TIPRL: variants seen among roughly 807,000 people sequenced by gnomAD.
The protein encoded by TIPRL is TOR signaling pathway regulator.
In TIPRL, 10 loss-of-function variants were observed where a neutral mutation model predicts 32.3. That is an observed-to-expected ratio of 0.31 (90% confidence interval 0.19 to 0.52). The LOEUF (loss-of-function observed/expected upper bound fraction) is 0.52, where lower values mean the gene tolerates loss of function less well. Among genes scored for constraint, TIPRL ranks in the 20% least tolerant of loss-of-function variants. The pLI is 0.96. For synonymous variants in TIPRL, 100 were observed against 114.0 expected, an observed-to-expected ratio of 0.88 and a Z score of 0.78; for missense variants, 250 against 328.1, an observed-to-expected ratio of 0.76 and a Z score of 1.84.
In TIPRL at chr1:168,198,900, T is replaced by C; in HGVS notation, c.613-19T>C. 6.3e-7 allele frequency: 1 copy of C among 1,577,568 alleles called. No individual in the cohort carries two copies. The highest frequency in any genetic ancestry group is 8.7e-7 in the Non-Finnish European group (1 of 1,152,558). On this transcript the variant is annotated intron_variant, in intron 5 of 6. Transcript: ENST00000367833. ...TCAGTATAATTAAATTTATTGCAAC[T>C]GTTTATTTTTAAATACAGGCTGACA...
intron 5 of TIPRL, among the ~76,000 whole-genome samples, chr1:168,198,641 C>T (rs1700181723): frequency 6.6e-6 from 1 of 152,086 alleles, no homozygotes; most frequent in Admixed American, 6.5e-5. Context: ...CATTTATATA[C>T]ATATTCTTTC....
intron 1 of TIPRL, among the ~76,000 whole-genome samples, chr1:168,182,092 C>T (rs60073411): frequency 0.011 from 1,688 of 150,494 alleles, 35 homozygotes; most frequent in African/African-American, 0.039. Flanking sequence ...AAAAAAATGC[C>T]TTTTTTTATA....
chr1:168,200,177 A>C lies in TIPRL; in HGVS notation c.*131A>C. On this transcript the variant is annotated 3_prime_UTR_variant, in exon 7 of 7. Coordinates refer to ENST00000367833, the MANE Select transcript of TIPRL (RefSeq NM_152902.5). ...TTTCTGTAGCCTTAAAGGAAAAAAA[A>C]ATAAAGATCGTTACAGGCAGGTTTC... is the stretch of plus-strand genomic sequence containing the variant. 3 of 1,010,138 alleles carry C rather than the reference A, an allele frequency of 3.0e-6. No homozygotes were observed. Among genetic ancestry groups the C allele is most frequent in the South Asian group, 3.8e-5 (2 of 52,200 alleles). The allele number at this position is 1,010,138 out of a possible 1,614,324, so 62.6% of individuals were successfully genotyped here. A position where few individuals can be genotyped will look rare whatever the true frequency, so the allele number is the denominator to read the frequency against.
chr1:168,192,875 A>C (rs1430648271), intron 4 of TIPRL, among the ~76,000 whole-genome samples: 1 of 148,064 alleles, frequency 6.8e-6, no homozygotes. Context: ...AACAAGCGAG[A>C]CTCCGTCTCA....
chr1:168,201,615 G>GACACACACACAC lies in TIPRL; in HGVS notation c.*1583_*1594dup, dbSNP rs59196293. ...TGTTTTCTCTTAGGACAGAAAAGTAGACACACACACACACACACACACACA... is the reference window on the plus strand; with the variant it reads ...TGTTTTCTCTTAGGACAGAAAAGTAGACACACACACACACACACACACACACACACACACACA... On this transcript the variant is annotated 3_prime_UTR_variant, in exon 7 of 7. Coordinates refer to ENST00000367833, the MANE Select transcript of TIPRL (RefSeq NM_152902.5). 6.7e-6 allele frequency: 1 copy of GACACACACACAC among 150,048 alleles called. No homozygotes were observed. The highest frequency in any genetic ancestry group is 1.5e-5 in the Non-Finnish European group (1 of 67,216). 9.3% of individuals were successfully genotyped at this position (150,048 alleles called of 1,614,324 possible).
rs534955050 is a variant in TIPRL at position 168,198,161 on chromosome 1, C to T, written c.613-758C>T. 3.7e-4 allele frequency among the ~76,000 whole-genome samples: 57 copies of T among 152,256 alleles called. No individual in the cohort carries two copies. In the South Asian group the frequency reaches 0.012, roughly 32 times the overall value. On this transcript the variant is annotated intron_variant, in intron 5 of 6. Coordinates refer to ENST00000367833, the MANE Select transcript of TIPRL (RefSeq NM_152902.5). ...TCAAAAGCAAGTATGAATCTACTTA[C>T]ATAAGATTCTCTGTAGAGATTTCTA...
intron 5 of TIPRL, among the ~76,000 whole-genome samples, chr1:168,198,428 A>G (rs1031423172): frequency 8.5e-5 from 13 of 152,156 alleles, no homozygotes; most frequent in African/African-American, 3.1e-4. Flanking sequence ...GAAGTACAAA[A>G]AAGGTGATTT....
At chr1:168,194,357 C>A (rs187998240) in intron 4 of TIPRL, among the ~76,000 whole-genome samples, 325 of 152,254 alleles carry the variant, frequency 2.1e-3, no homozygotes, top group Middle Eastern at 6.8e-3. Context: ...AGTACTCTCA[C>A]AAATTCCCAA....
At chr1:168,189,972 A>AT (rs1344411236) in intron 3 of TIPRL, among the ~76,000 whole-genome samples, 1 of 152,236 alleles carries the variant, frequency 6.6e-6, no homozygotes, top group Non-Finnish European at 1.5e-5. Context: ...ATAATGATTA[A>AT]TTTTGGGGGA....
chr1:168,190,003 G>A (rs571485281), intron 3 of TIPRL, among the ~76,000 whole-genome samples: 1 of 152,298 alleles, frequency 6.6e-6, no homozygotes, highest in East Asian at 1.9e-4. Context: ...TCTATAAGGA[G>A]GATGTTAAAA....
chr1:168,187,051 ATTCAACAGATAT>A (rs1395834018), intron 3 of TIPRL, among the ~76,000 whole-genome samples: 2 of 152,220 alleles, frequency 1.3e-5, no homozygotes, highest in Non-Finnish European at 2.9e-5. Context: ...TCATTCATTC[ATTCAACAGATAT>A]TTCTTGAGCT....
At chr1:168,186,075 A>C (rs1382543802) in intron 3 of TIPRL, among the ~76,000 whole-genome samples, 5 of 37,370 alleles carry the variant, frequency 1.3e-4, no homozygotes, top group Non-Finnish European at 2.0e-4. Flanking sequence ...ACTCCGTCTC[A>C]AAAAAAAAAA....
At chr1:168,199,075 C>T in intron 6 of TIPRL, 94 bp downstream of exon 6, 3 of 902,758 alleles carry the variant, frequency 3.3e-6, no homozygotes, top group Non-Finnish European at 5.3e-6. Context: ...CCCAAGTTTA[C>T]ATCCCTAAAC....
At chr1:168,180,581 G>C (rs914944204) in intron 1 of TIPRL, among the ~76,000 whole-genome samples, 1 of 152,172 alleles carries the variant, frequency 6.6e-6, no homozygotes, top group Non-Finnish European at 1.5e-5. Flanking sequence ...AGAACCCTAA[G>C]TGAGTACTTG....
At chr1:168,186,254 G>T (rs149867980) in intron 3 of TIPRL, among the ~76,000 whole-genome samples, 1,949 of 152,242 alleles carry the variant, frequency 0.013, 43 homozygotes, top group African/African-American at 0.043. Context: ...CCAGCACTTT[G>T]CGAGGCCAAG....
At chr1:168,193,423 C>A (rs1168813399) in intron 4 of TIPRL, among the ~76,000 whole-genome samples, 1 of 152,122 alleles carries the variant, frequency 6.6e-6, no homozygotes, top group African/African-American at 2.4e-5. Context: ...ATAGGCTTTA[C>A]TTCTTTGCTC....
chr1:168,198,938 T>C lies in TIPRL; in HGVS notation c.632T>C (p.Leu211Ser). 1 of 1,612,470 alleles carries C rather than the reference T, an allele frequency of 6.2e-7. No individual in the cohort carries two copies. The highest frequency in any genetic ancestry group is 8.5e-7 in the Non-Finnish European group (1 of 1,179,038). Residue 211 changes from leucine to serine, a missense_variant, in exon 6 of 7, where the codon TTA becomes TCA. Transcript: ENST00000367833. ...ATACAGGCTGACAAGACCTACATGTTACGAGAATATACGTCACGAGAAAGC... is the reference window on the plus strand; with the variant it reads ...ATACAGGCTGACAAGACCTACATGTCACGAGAATATACGTCACGAGAAAGC... ...LYHEADKTYM[L>S]REYTSRESKI...
At chr1:168,190,762 A>G (rs888625864) in intron 3 of TIPRL, among the ~76,000 whole-genome samples, 2 of 152,162 alleles carry the variant, frequency 1.3e-5, no homozygotes, top group African/African-American at 4.8e-5. Context: ...CTTTTGTTGG[A>G]TTACGTGTGT....
chr1:168,197,631 T>A lies in TIPRL; in HGVS notation c.612+989T>A, dbSNP rs548125554. Among the ~76,000 whole-genome samples the A allele has an allele frequency of 1.9e-3, 296 of 152,264 alleles. 3 individuals carry two copies. The highest frequency in any genetic ancestry group is 4.3e-3 in the Admixed American group (66 of 15,282). ...GCTTCCTGAGTTCAAGCAATTCTCA[T>A]GTCTCAGCCTCCCTAGTAGCTGGGA... is the stretch of plus-strand genomic sequence containing the variant. On this transcript the variant is annotated intron_variant, in intron 5 of 6. Coordinates refer to ENST00000367833, the MANE Select transcript of TIPRL (RefSeq NM_152902.5).
Sources: allele counts gnomAD v4.1 joint callset (sites outside exome capture counted in the v4.1 genomes callset), GRCh38; gene constraint gnomAD v4.1.1; transcripts MANE v1.5; gene names NCBI Gene and HGNC (gene_info 2026-07-23, HGNC 2026-07-21).